The following GLT1D1 variants were observed in gnomAD, a reference collection of about 807,000 sequenced individuals.
GLT1D1 encodes the protein glycosyltransferase 1 domain-containing protein 1.
In GLT1D1, 21 loss-of-function variants were observed where a neutral mutation model predicts 28.7. The observed-to-expected ratio is 0.73, with a 90% CI of 0.52 to 1.05. GLT1D1 has a LOEUF of 1.05. Among genes scored for constraint, GLT1D1 ranks in the 50% least tolerant of loss-of-function variants. The pLI is 0.00. For synonymous variants in GLT1D1, 147 were observed against 124.8 expected (o/e 1.18, Z -1.19); for missense variants, 343 against 330.6 (o/e 1.04, Z -0.29).
chr12:128,944,787 C>T (rs539025150), intron 4 of GLT1D1: 54 of 386,894 alleles, frequency 1.4e-4, no homozygotes, highest in Middle Eastern at 7.0e-4. Context: ...TTGGCTAACA[C>T]GTCAATTTAT....
chr12:128,932,694 G>C (rs1279695370), intron 4 of GLT1D1, among the ~76,000 whole-genome samples: 1 of 152,112 alleles, frequency 6.6e-6, no homozygotes, highest in Admixed American at 6.5e-5. Context: ...CTGAAACCGC[G>C]GCTCCCACAT....
intron 1 of GLT1D1, among the ~76,000 whole-genome samples, chr12:128,858,356 T>C (rs570566467): frequency 6.6e-6 from 1 of 152,234 alleles, no homozygotes; most frequent in East Asian, 1.9e-4. Context: ...AGCCATCCTT[T>C]GTGGGAGGAA....
intron 6 of GLT1D1, among the ~76,000 whole-genome samples, chr12:128,954,750 G>A (rs1313454217): frequency 2.6e-5 from 4 of 152,192 alleles, no homozygotes; most frequent in Non-Finnish European, 4.4e-5. Context: ...AGGAGTTTCA[G>A]ATGAGTGTGG....
At chr12:128,971,568 C>T (rs1367768371) in intron 7 of GLT1D1, among the ~76,000 whole-genome samples, 1 of 122,496 alleles carries the variant, frequency 8.2e-6, no homozygotes, top group Non-Finnish European at 1.7e-5. Flanking sequence ...CTTTCTCCCT[C>T]CCTCCCTACC....
chr12:128,922,195 TAC>T (rs1333222650), intron 4 of GLT1D1, among the ~76,000 whole-genome samples: 2 of 148,304 alleles, frequency 1.3e-5, no homozygotes, highest in Non-Finnish European at 3.0e-5. Context: ...TGTGTGTGTA[TAC>T]ACACCAGCTA....
At chr12:128,949,823 T>C (rs1876502276) in intron 6 of GLT1D1, among the ~76,000 whole-genome samples, 1 of 151,314 alleles carries the variant, frequency 6.6e-6, no homozygotes, top group Non-Finnish European at 1.5e-5. Context: ...TGCACACACA[T>C]GTACACACGC....
chr12:128,954,821 G>A lies in GLT1D1; in HGVS notation c.541-2724G>A, dbSNP rs1593184719. 2.6e-5 allele frequency among the ~76,000 whole-genome samples: 4 copies of A among 152,286 alleles called. No individual in the cohort carries two copies. In the East Asian group the frequency reaches 7.7e-4, roughly 29 times the overall value. On this transcript the variant is annotated intron_variant, in intron 6 of 7. Transcript: ENST00000281703. ...TTAAAAACATTAGCTGAGGATGGTG[G>A]CATGTGCCTGTAGTCCCAGCTACTA... is the stretch of plus-strand genomic sequence containing the variant.
At chr12:128,855,120 G>A (rs1407009350) in intron 1 of GLT1D1, among the ~76,000 whole-genome samples, 1 of 150,804 alleles carries the variant, frequency 6.6e-6, no homozygotes, top group Non-Finnish European at 1.5e-5. Flanking sequence ...GGAGGCTGAG[G>A]CAGGAGAATC....
chr12:128,892,758 AG>A (rs1869203668), intron 3 of GLT1D1, among the ~76,000 whole-genome samples: 1 of 152,014 alleles, frequency 6.6e-6, no homozygotes. Flanking sequence ...CTATTTTTGA[AG>A]TTTTTTTAGT....
At position 128,974,379 on chromosome 12, in the gene GLT1D1, C is replaced by T. The variant is rs189559641; in HGVS notation, c.640-8550C>T. On this transcript the variant is annotated intron_variant, in intron 7 of 7. Transcript: ENST00000281703. ...CACACTAACCCTGCATCGTGCATTT[C>T]ATGAGCCACAGAGCCCCGGGAATGG... is the stretch of plus-strand genomic sequence containing the variant. 1.1e-3 allele frequency among the ~76,000 whole-genome samples: 168 copies of T among 152,232 alleles called. 1 individual carries two copies. The highest frequency in any genetic ancestry group is 1.7e-3 in the Non-Finnish European group (119 of 68,026).
At chr12:128,891,665 C>T (rs1237399925) in intron 3 of GLT1D1, among the ~76,000 whole-genome samples, 3 of 152,078 alleles carry the variant, frequency 2.0e-5, no homozygotes, top group Non-Finnish European at 2.9e-5. Context: ...TGTCGGGAGC[C>T]TCAGATTCCT....
intron 2 of GLT1D1, among the ~76,000 whole-genome samples, chr12:128,888,050 C>T (rs1194875908): frequency 3.3e-5 from 5 of 152,208 alleles, no homozygotes; most frequent in Non-Finnish European, 7.3e-5. Context: ...ACGCGTCACT[C>T]GGAATATACA....
intron 7 of GLT1D1, among the ~76,000 whole-genome samples, chr12:128,970,758 G>A (rs550964431): frequency 3.9e-4 from 60 of 152,232 alleles, no homozygotes; most frequent in Non-Finnish European, 7.3e-4. Context: ...CACCCACTGT[G>A]ACTGGGGTTC....
At chr12:128,897,770 A>G (rs942015611) in intron 3 of GLT1D1, among the ~76,000 whole-genome samples, 5 of 151,642 alleles carry the variant, frequency 3.3e-5, no homozygotes, top group East Asian at 1.9e-4. Flanking sequence ...CCGGGTTCAC[A>G]CCATCCTCCT....
chr12:128,932,890 A>C (rs1005122632), intron 4 of GLT1D1, among the ~76,000 whole-genome samples: 9 of 152,270 alleles, frequency 5.9e-5, no homozygotes, highest in African/African-American at 2.2e-4. Flanking sequence ...CAAAACCTTG[A>C]CGCCATCTCA....
At chr12:128,942,631 T>C (rs562335860) in intron 4 of GLT1D1, among the ~76,000 whole-genome samples, 32 of 151,740 alleles carry the variant, frequency 2.1e-4, no homozygotes, top group African/African-American at 6.6e-4. Flanking sequence ...CATCAGGTTT[T>C]CCGTCCACCT....
At chr12:128,965,930 G>T (rs948844584) in intron 7 of GLT1D1, among the ~76,000 whole-genome samples, 2 of 151,908 alleles carry the variant, frequency 1.3e-5, no homozygotes, top group Admixed American at 6.6e-5. Context: ...CAGGAAGAAG[G>T]CAAGGGAAGA....
intron 2 of GLT1D1, among the ~76,000 whole-genome samples, chr12:128,880,368 T>G (rs1957004823): frequency 1.3e-5 from 2 of 152,246 alleles, no homozygotes; most frequent in Admixed American, 1.3e-4. Context: ...TATCGAGAAC[T>G]GAAGCCATGC....
intron 4 of GLT1D1, among the ~76,000 whole-genome samples, chr12:128,943,699 C>T (rs1474943702): frequency 6.6e-6 from 1 of 152,110 alleles, no homozygotes; most frequent in African/African-American, 2.4e-5. Context: ...GTATGCTTAA[C>T]AACAAAATAA....
Sources: allele counts gnomAD v4.1 joint callset (sites outside exome capture counted in the v4.1 genomes callset), GRCh38; gene constraint gnomAD v4.1.1; transcripts MANE v1.5; gene names NCBI Gene and HGNC (gene_info 2026-07-23, HGNC 2026-07-21).